The following SPIDR variants were observed in gnomAD, a reference collection of about 807,000 sequenced individuals.
The protein encoded by SPIDR is scaffold protein involved in DNA repair.
SPIDR carries 93 observed loss-of-function variants against 104.6 expected under a neutral mutation model. The observed-to-expected ratio is 0.89, with a 90% CI of 0.75 to 1.06. SPIDR has a LOEUF of 1.06. Among genes scored for constraint, SPIDR ranks in the 50% least tolerant of loss-of-function variants. The probability of loss-of-function intolerance (pLI) is 0.00; values close to 1 mark genes in which losing one functional copy is unlikely to be tolerated. For synonymous variants in SPIDR, 431 were observed against 416.9 expected, an observed-to-expected ratio of 1.03 and a Z score of -0.41; for missense variants, 1,154 against 1,111.2, an observed-to-expected ratio of 1.04 and a Z score of -0.55.
At chr8:47,589,366 A>C (rs867334572) in intron 8 of SPIDR, among the ~76,000 whole-genome samples, 1 of 151,356 alleles carries the variant, frequency 6.6e-6, no homozygotes, top group South Asian at 2.1e-4. Flanking sequence ...TTAAAAATGC[A>C]AAAAAATTTG....
At chr8:47,268,728 G>T (rs1227653494) in intron 1 of SPIDR, among the ~76,000 whole-genome samples, 1 of 152,130 alleles carries the variant, frequency 6.6e-6, no homozygotes, top group African/African-American at 2.4e-5. Context: ...AAAGCTCTGG[G>T]ATTATAGGCA....
At chr8:47,588,709 GT>G (rs1325621222) in intron 8 of SPIDR, among the ~76,000 whole-genome samples, 4 of 152,090 alleles carry the variant, frequency 2.6e-5, no homozygotes, top group Non-Finnish European at 4.4e-5. Flanking sequence ...TGGGATTTCT[GT>G]TGATAATTCT....
At chr8:47,355,020 A>G (rs1015723526) in intron 5 of SPIDR, among the ~76,000 whole-genome samples, 2 of 150,262 alleles carry the variant, frequency 1.3e-5, no homozygotes, top group African/African-American at 2.5e-5. Flanking sequence ...CAGTGAAGCG[A>G]TCTCGGCTCA....
At chr8:47,299,528 C>G (rs1210455941) in intron 5 of SPIDR, among the ~76,000 whole-genome samples, 14 of 152,192 alleles carry the variant, frequency 9.2e-5, no homozygotes, top group East Asian at 3.9e-4. Context: ...TGTCTTGTGC[C>G]CGTTTTCAAA....
At chr8:47,532,295 C>G (rs2086155276) in intron 8 of SPIDR, among the ~76,000 whole-genome samples, 1 of 152,006 alleles carries the variant, frequency 6.6e-6, no homozygotes, top group African/African-American at 2.4e-5. Context: ...TCTCGAACTC[C>G]CGACCTCAGG....
chr8:47,475,463 T>A (rs1442476038), intron 8 of SPIDR, among the ~76,000 whole-genome samples: 1 of 152,218 alleles, frequency 6.6e-6, no homozygotes, highest in African/African-American at 2.4e-5. Context: ...TATTTTGTAA[T>A]TAAAATAATC....
intron 8 of SPIDR, among the ~76,000 whole-genome samples, chr8:47,494,672 A>G (rs1055383497): frequency 6.6e-6 from 1 of 151,926 alleles, no homozygotes; most frequent in African/African-American, 2.4e-5. Flanking sequence ...CAAACTGTGA[A>G]GTACAAGTGT....
chr8:47,438,995 G>A (rs113293573), intron 7 of SPIDR, among the ~76,000 whole-genome samples: 13 of 152,238 alleles, frequency 8.5e-5, no homozygotes, highest in African/African-American at 2.9e-4. Context: ...ATATTAGTGA[G>A]TATCTGTTAT....
At chr8:47,417,597 T>C (rs2064589608) in intron 7 of SPIDR, among the ~76,000 whole-genome samples, 1 of 152,246 alleles carries the variant, frequency 6.6e-6, no homozygotes, top group Admixed American at 6.5e-5. Context: ...GATGGTAGTT[T>C]CTTTTGCTCT....
At chr8:47,491,735 G>C (rs1554739819) in intron 8 of SPIDR, among the ~76,000 whole-genome samples, 1 of 152,062 alleles carries the variant, frequency 6.6e-6, no homozygotes, top group African/African-American at 2.4e-5. Context: ...TGTAGTCCCA[G>C]CTGCTCCAAG....
chr8:47,300,855 G>A (rs1283152949), intron 5 of SPIDR, among the ~76,000 whole-genome samples: 3 of 152,194 alleles, frequency 2.0e-5, no homozygotes, highest in African/African-American at 7.2e-5. Context: ...GCTGAGGAGT[G>A]CTTTACTTCC....
intron 10 of SPIDR, among the ~76,000 whole-genome samples, chr8:47,647,669 G>GA (rs2070771449): frequency 2.5e-5 from 2 of 78,582 alleles, no homozygotes; most frequent in African/African-American, 9.1e-5. Flanking sequence ...AGAGAGAGAG[G>GA]GAGAGAGGGA....
Position 47,598,975 on chromosome 8 carries a change from G to A in SPIDR, c.1323G>A (p.Gly441=). The A allele has an allele frequency of 6.2e-7, 1 of 1,613,894 alleles. No individual in the cohort carries two copies. Reference sequence around the variant, plus strand: ...TGTGTAGTGGTGTAGCCACTACAGGGACAGCCTGGACCCATGGGCACAAAG... The same window carrying A: ...TGTGTAGTGGTGTAGCCACTACAGGAACAGCCTGGACCCATGGGCACAAAG... ...QVVCSGVATT[G]TAWTHGHKEA... is the part of the protein sequence containing the mutation. The change falls in exon 10 of 20, where the codon GGG becomes GGA. Residue 441 remains glycine, a synonymous_variant. Transcript: ENST00000297423.
At chr8:47,466,904 T>TATATAG (rs1286163166) in intron 8 of SPIDR, among the ~76,000 whole-genome samples, 2 of 112,616 alleles carry the variant, frequency 1.8e-5, no homozygotes, top group African/African-American at 7.8e-5. Flanking sequence ...AAAAAAAATA[T>TATATAG]ATATATATAT....
intron 5 of SPIDR, among the ~76,000 whole-genome samples, chr8:47,351,582 A>G (rs1357283424): frequency 1.3e-5 from 2 of 152,228 alleles, no homozygotes; most frequent in Non-Finnish European, 2.9e-5. Flanking sequence ...CTTAATTTTG[A>G]AAGCATAACT....
chr8:47,467,032 A>T (rs1391451209), intron 8 of SPIDR, among the ~76,000 whole-genome samples: 1 of 151,828 alleles, frequency 6.6e-6, no homozygotes, highest in Non-Finnish European at 1.5e-5. Flanking sequence ...CAAAGGTGAT[A>T]TCACCACTGA....
chr8:47,582,445 A>G (rs1037534794), intron 8 of SPIDR, among the ~76,000 whole-genome samples: 3 of 152,206 alleles, frequency 2.0e-5, no homozygotes, highest in South Asian at 4.1e-4. Context: ...TTCACCGTTG[A>G]CAGTGCTGAT....
intron 1 of SPIDR, among the ~76,000 whole-genome samples, chr8:47,276,569 A>AAAACTGAAGAAAAAAATAATC (rs2036470040): frequency 6.6e-6 from 1 of 152,240 alleles, no homozygotes; most frequent in Non-Finnish European, 1.5e-5. Flanking sequence ...AACAAAATAA[A>AAAACTGAAGAAAAAAATAATC]AAACTGAAGA....
At chr8:47,622,864 G>T (rs1291765992) in intron 10 of SPIDR, among the ~76,000 whole-genome samples, 1 of 152,078 alleles carries the variant, frequency 6.6e-6, no homozygotes. Context: ...ACCCTCTTTG[G>T]TTTATTCTTG....
Sources: gnomAD v4.1 joint callset for allele counts (sites outside exome capture counted in the v4.1 genomes callset) on GRCh38, gnomAD v4.1.1 for gene constraint, MANE v1.5 for transcripts, NCBI Gene and HGNC (gene_info 2026-07-23, HGNC 2026-07-21) for gene names.